Variants in DOCK3 observed in about 807,000 individuals in gnomAD.
The protein encoded by DOCK3 is dedicator of cytokinesis 3.
DOCK3 carries 60 observed loss-of-function variants against 265.6 expected under a neutral mutation model. The ratio of observed to expected loss-of-function variants is 0.23; its 90% CI spans 0.18 to 0.28. The LOEUF is 0.28. Ranked by LOEUF, DOCK3 falls within the 10% of genes least tolerant of loss-of-function variation. The pLI, the probability that DOCK3 is intolerant of heterozygous loss-of-function variation, is 1.00. For synonymous variants in DOCK3, 881 were observed against 938.0 expected (o/e 0.94, Z 1.11); for missense variants, 1,981 against 2,594.3 (o/e 0.76, Z 5.14).
chr3:51,047,747 T>A (rs2109085121), intron 5 of DOCK3, among the ~76,000 whole-genome samples: 1 of 152,176 alleles, frequency 6.6e-6, no homozygotes, highest in South Asian at 2.1e-4. Flanking sequence ...GAATTAGTAA[T>A]CAAAAATCTC....
In DOCK3 at chr3:51,277,903, G is replaced by A. The variant is rs572959926; in HGVS notation, c.2823+149G>A. 2.5e-4 allele frequency: 379 copies of A among 1,499,300 alleles called. 1 individual carries two copies. Among genetic ancestry groups the A allele is most frequent in the South Asian group, 1.1e-3 (78 of 73,566 alleles). 92.9% of individuals were successfully genotyped at this position (1,499,300 alleles called of 1,614,324 possible). On this transcript the variant is annotated intron_variant, in intron 26 of 52. Coordinates refer to ENST00000266037, the MANE Select transcript of DOCK3 (RefSeq NM_004947.5). ...GCATGCTGCCCTCTTCCCTTCTTGA[G>A]TCTGACTCTCCTCTCTACTCTGAAA...
chr3:51,221,484 T>C (rs1489824369), intron 14 of DOCK3, among the ~76,000 whole-genome samples: 1 of 152,216 alleles, frequency 6.6e-6, no homozygotes, highest in Non-Finnish European at 1.5e-5. Context: ...CAGAGACATA[T>C]GTGGCTGACA....
intron 5 of DOCK3, among the ~76,000 whole-genome samples, chr3:51,027,375 T>C (rs1258266198): frequency 6.6e-6 from 1 of 152,122 alleles, no homozygotes; most frequent in East Asian, 1.9e-4. Context: ...GCTGAGCATG[T>C]GGTCAATCTT....
chr3:51,212,610 A>T (rs2089576493), intron 13 of DOCK3, among the ~76,000 whole-genome samples: 1 of 152,158 alleles, frequency 6.6e-6, no homozygotes, highest in South Asian at 2.1e-4. Context: ...AGTTAGGGTT[A>T]TGAGGTGAGG....
chr3:51,097,155 G>A (rs536727260), intron 9 of DOCK3, among the ~76,000 whole-genome samples: 1 of 152,332 alleles, frequency 6.6e-6, no homozygotes, highest in South Asian at 2.1e-4. Flanking sequence ...ATCCGTTGCT[G>A]TCTTCAGATT....
At chr3:51,056,158 T>C (rs750982943) in intron 5 of DOCK3, among the ~76,000 whole-genome samples, 1 of 152,280 alleles carries the variant, frequency 6.6e-6, no homozygotes, top group Non-Finnish European at 1.5e-5. Context: ...AAAATTTCTA[T>C]CTTTTGTACT....
chr3:50,729,076 T>C lies in DOCK3; in HGVS notation c.38-49599T>C, dbSNP rs561396822. 1.1e-4 allele frequency among the ~76,000 whole-genome samples: 16 copies of C among 143,130 alleles called. No individual in the cohort carries two copies. The South Asian group carries it at 3.2e-3, about 28-fold the overall frequency. 93.9% of individuals were successfully genotyped at this position (143,130 alleles called of 152,430 possible). A position where few individuals can be genotyped will look rare whatever the true frequency, so the allele number is the denominator to read the frequency against. ...TGGCTCATACCTGTAATCCCAGCAC[T>C]TTGGGAGGCCGAGGCAGGTGGATCA... On this transcript the variant is annotated intron_variant, in intron 1 of 52. Coordinates refer to ENST00000266037, the MANE Select transcript of DOCK3 (RefSeq NM_004947.5).
chr3:50,787,680 A>C lies in DOCK3; in HGVS notation c.121+8922A>C, dbSNP rs1050192080. 13 of 1,291,570 alleles carry C rather than the reference A, an allele frequency of 1.0e-5. No homozygotes were observed. The African/African-American group carries it at 1.8e-4, about 18-fold the overall frequency. 80.0% of individuals were successfully genotyped at this position (1,291,570 alleles called of 1,614,324 possible). A position where few individuals can be genotyped will look rare whatever the true frequency, so the allele number is the denominator to read the frequency against. ...CTCTTGTAGTTCTGGGAGTAGGGGA[A>C]GTGGTAGCTGCAGCAACAGAGGCAG... On this transcript the variant is annotated intron_variant, in intron 2 of 52. Coordinates refer to ENST00000266037, the MANE Select transcript of DOCK3 (RefSeq NM_004947.5).
intron 23 of DOCK3, among the ~76,000 whole-genome samples, chr3:51,264,528 A>G (rs988036990): frequency 6.6e-6 from 1 of 152,142 alleles, no homozygotes; most frequent in African/African-American, 2.4e-5. Flanking sequence ...AAAAGCTAAC[A>G]GAAGACAAGA....
At chr3:51,004,417 A>G (rs1370600280) in intron 5 of DOCK3, among the ~76,000 whole-genome samples, 1 of 152,214 alleles carries the variant, frequency 6.6e-6, no homozygotes, top group Non-Finnish European at 1.5e-5. Flanking sequence ...TTCCTGATCC[A>G]TAAAAACTAT....
At chr3:50,854,837 T>G (rs1030424180) in intron 3 of DOCK3, among the ~76,000 whole-genome samples, 8 of 152,032 alleles carry the variant, frequency 5.3e-5, no homozygotes, top group African/African-American at 1.7e-4. Flanking sequence ...TTCAGTATCA[T>G]TCTTCTGCAT....
Position 51,341,272 on chromosome 3 carries a change from C to T in DOCK3, c.3802C>T (p.Leu1268=). 1 of 1,604,360 alleles carries T rather than the reference C, an allele frequency of 6.2e-7. No individual in the cohort carries two copies. ...AFTLLLYCEL[L]QWEDRPLREF... is the part of the protein sequence containing the mutation. ...TACCCTGCTCCTTTACTGTGAGCTG[C>T]TGCAGTGGGAGGACCGGCCACTACG... Residue 1268 remains leucine, a synonymous_variant, in exon 38 of 53, where the codon CTG becomes TTG. Coordinates refer to ENST00000266037, the MANE Select transcript of DOCK3 (RefSeq NM_004947.5).
chr3:50,991,307 G>A (rs1466490211), intron 5 of DOCK3, among the ~76,000 whole-genome samples: 1 of 152,080 alleles, frequency 6.6e-6, no homozygotes, highest in Non-Finnish European at 1.5e-5. Context: ...GTGGCAAGCT[G>A]GATAAAAAAG....
chr3:50,686,356 A>G (rs2034797294), intron 1 of DOCK3, among the ~76,000 whole-genome samples: 1 of 152,172 alleles, frequency 6.6e-6, no homozygotes, highest in African/African-American at 2.4e-5. Context: ...CCTTGACTCT[A>G]ATCCAGAATG....
intron 12 of DOCK3, among the ~76,000 whole-genome samples, chr3:51,193,367 A>T (rs1048824621): frequency 1.3e-5 from 2 of 152,056 alleles, no homozygotes; most frequent in Admixed American, 1.3e-4. Context: ...GGATATTGAC[A>T]TATAGTTTTC....
chr3:51,318,223 A>T (rs1248434665), intron 32 of DOCK3, among the ~76,000 whole-genome samples: 2 of 152,080 alleles, frequency 1.3e-5, no homozygotes. Context: ...TACTAAAAAC[A>T]TAAAAATTAA....
intron 5 of DOCK3, among the ~76,000 whole-genome samples, chr3:51,028,450 T>G (rs1420951385): frequency 6.6e-6 from 1 of 152,194 alleles, no homozygotes; most frequent in Non-Finnish European, 1.5e-5. Flanking sequence ...TAATTTCTTG[T>G]AGCTGCATGT....
In DOCK3 at chr3:50,714,566, C is replaced by T. The variant is rs1406466834; in HGVS notation, c.37+39266C>T. Among the ~76,000 whole-genome samples, 8 of 152,144 alleles carry T rather than the reference C, an allele frequency of 5.3e-5. No individual in the cohort carries two copies. In the South Asian group the frequency reaches 6.2e-4, roughly 12 times the overall value. The stretch of plus-strand genomic sequence containing the variant: ...GTGTGATCATGGCTCACTGCAGCCT[C>T]GACCTCCTGGGCTCAAGGGACTGTA... On this transcript the variant is annotated intron_variant, in intron 1 of 52. Transcript: ENST00000266037.
chr3:51,334,574 G>T (rs186047998), intron 35 of DOCK3, among the ~76,000 whole-genome samples: 1 of 152,208 alleles, frequency 6.6e-6, no homozygotes, highest in African/African-American at 2.4e-5. Context: ...AGCTATGCTT[G>T]TGTGAACTTT....
Sources: gnomAD v4.1 joint callset for allele counts (sites outside exome capture counted in the v4.1 genomes callset) on GRCh38, gnomAD v4.1.1 for gene constraint, MANE v1.5 for transcripts, NCBI Gene and HGNC (gene_info 2026-07-23, HGNC 2026-07-21) for gene names.